PRKN: variants seen among roughly 807,000 people sequenced by gnomAD.
PRKN encodes the protein parkin RBR E3 ubiquitin protein ligase.
In PRKN, 56 loss-of-function variants were observed where a neutral mutation model predicts 59.5. The observed-to-expected ratio is 0.94, with a 90% CI of 0.76 to 1.18. The LOEUF (loss-of-function observed/expected upper bound fraction) is 1.18. Ranked by LOEUF, PRKN falls within the 50% of genes most tolerant of loss-of-function variation. The probability of loss-of-function intolerance (pLI) is 0.00; values close to 1 mark genes in which losing one functional copy is unlikely to be tolerated. For synonymous variants in PRKN, 250 were observed against 222.1 expected (o/e 1.13, Z -1.12); for missense variants, 657 against 596.4 (o/e 1.10, Z -1.06).
Position 161,457,238 on chromosome 6 carries a change from CAT to C in PRKN, c.1084-70363_1084-70362del, listed in dbSNP as rs1202010481. ...AATGCATTCCATTACTTTTCCTACA[CAT>C]GTGTCTCTGTTAAGCACTTTGCAAG... On this transcript the variant is annotated intron_variant, in intron 9 of 11. Coordinates refer to ENST00000366898, the MANE Select transcript of PRKN (RefSeq NM_004562.3). This position sits in a 1 kb window ranked among gnomAD's most constrained non-coding sequence, Gnocchi z 5.0. Among the ~76,000 whole-genome samples the C allele has an allele frequency of 6.6e-6, 1 of 152,202 alleles. No individual in the cohort carries two copies. The highest frequency in any genetic ancestry group is 1.5e-5 in the Non-Finnish European group (1 of 68,030).
rs1394007067 is a variant in PRKN at position 161,354,976 on chromosome 6, G to A, written c.1286-4765C>T. Reference sequence around the variant, plus strand: ...GCTGCCAGCATGTTCTGAGTCCAGGGCAGATCCGATGAATAATTTTCCTGC... The same window carrying A: ...GCTGCCAGCATGTTCTGAGTCCAGGACAGATCCGATGAATAATTTTCCTGC... On this transcript the variant is annotated intron_variant, in intron 11 of 11. Coordinates refer to ENST00000366898, the MANE Select transcript of PRKN (RefSeq NM_004562.3). This position sits in a 1 kb window ranked among gnomAD's most constrained non-coding sequence, Gnocchi z 6.7. Among the ~76,000 whole-genome samples, 5 of 152,184 alleles carry A rather than the reference G, an allele frequency of 3.3e-5. No homozygotes were observed. The highest frequency in any genetic ancestry group is 3.3e-4 in the Admixed American group (5 of 15,282).
intron 5 of PRKN, among the ~76,000 whole-genome samples, chr6:161,985,159 A>G (rs1262109498): frequency 6.6e-6 from 1 of 152,212 alleles, no homozygotes; most frequent in African/African-American, 2.4e-5. Flanking sequence ...TAAATCGAGC[A>G]TATCTCTTCC....
intron 1 of PRKN, among the ~76,000 whole-genome samples, chr6:162,690,721 C>G (rs906156469): frequency 2.0e-5 from 3 of 152,120 alleles, no homozygotes; most frequent in Non-Finnish European, 4.4e-5. Flanking sequence ...TCCTCTCGTA[C>G]TAGAAATGGA....
intron 7 of PRKN, among the ~76,000 whole-genome samples, chr6:161,594,965 A>G (rs906574998): frequency 6.6e-6 from 1 of 152,240 alleles, no homozygotes; most frequent in African/African-American, 2.4e-5. Context: ...CTTCAACTAC[A>G]TGAACACTGG....
chr6:162,484,975 G>A (rs968323045), intron 1 of PRKN, among the ~76,000 whole-genome samples: 3 of 152,104 alleles, frequency 2.0e-5, no homozygotes, highest in East Asian at 1.9e-4. Flanking sequence ...TCTATGGCCT[G>A]TGGCATATAT....
rs1780629502 is a variant in PRKN, at chr6:161,566,046, C to T, written c.933+3309G>A. ...CTCTACTGAATCATTACCATCAGTA[C>T]ATAGACATGCTGCAATTTTTCCCAT... is the stretch of plus-strand genomic sequence containing the variant. On this transcript the variant is annotated intron_variant, in intron 8 of 11. Coordinates refer to ENST00000366898, the MANE Select transcript of PRKN (RefSeq NM_004562.3). This position sits in a 1 kb window ranked among gnomAD's most constrained non-coding sequence, Gnocchi z 4.1. Among the ~76,000 whole-genome samples the T allele has an allele frequency of 1.3e-5, 2 of 152,220 alleles. No individual in the cohort carries two copies. The highest frequency in any genetic ancestry group is 1.3e-4 in the Admixed American group (2 of 15,286).
chr6:162,415,096 T>G (rs1003530534), intron 2 of PRKN, among the ~76,000 whole-genome samples: 4 of 152,186 alleles, frequency 2.6e-5, no homozygotes, highest in Admixed American at 1.3e-4. Flanking sequence ...CACTTCTGAA[T>G]GTTTCTGAAA....
At chr6:161,431,434 TA>T (rs533090322) in intron 9 of PRKN, among the ~76,000 whole-genome samples, 242 of 152,222 alleles carry the variant, frequency 1.6e-3, no homozygotes, top group Middle Eastern at 0.01. Context: ...ACAAGGTAGT[TA>T]AAACCTGTTT....
chr6:162,557,285 T>A (rs1779647508), intron 1 of PRKN, among the ~76,000 whole-genome samples: 1 of 152,180 alleles, frequency 6.6e-6, no homozygotes, highest in African/African-American at 2.4e-5. Context: ...TCATTGCTGC[T>A]TGGTAGTCGA....
intron 2 of PRKN, among the ~76,000 whole-genome samples, chr6:162,384,477 C>G (rs1786673961): frequency 6.6e-6 from 1 of 151,872 alleles, no homozygotes; most frequent in Non-Finnish European, 1.5e-5. Flanking sequence ...CACTCCAAAA[C>G]AATAAGATCA....
chr6:162,628,407 A>G (rs1280391443), intron 1 of PRKN, among the ~76,000 whole-genome samples: 1 of 152,172 alleles, frequency 6.6e-6, no homozygotes, highest in African/African-American at 2.4e-5. Flanking sequence ...TGTGTACCAG[A>G]TGTTTTGCTG....
chr6:162,686,828 A>G (rs1294316298), intron 1 of PRKN, among the ~76,000 whole-genome samples: 1 of 152,124 alleles, frequency 6.6e-6, no homozygotes, highest in African/African-American at 2.4e-5. Flanking sequence ...CACTCCGTAG[A>G]TATATGGCTT....
At chr6:161,762,820 A>T (rs1001440660) in intron 7 of PRKN, among the ~76,000 whole-genome samples, 24 of 152,178 alleles carry the variant, frequency 1.6e-4, no homozygotes, top group African/African-American at 5.1e-4. Context: ...GGCACCAAGA[A>T]ATTCTATTGC....
At chr6:162,726,571 G>A (rs963843580) in intron 1 of PRKN, among the ~76,000 whole-genome samples, 1 of 152,136 alleles carries the variant, frequency 6.6e-6, no homozygotes, top group African/African-American at 2.4e-5. Flanking sequence ...TCCCACTGAT[G>A]GGGAGAATGT....
Position 162,696,559 on chromosome 6 carries a change from CT to C in PRKN, c.7+31102del, listed in dbSNP as rs748055251. ...TTCAAATGATTTGTGTCAGGAAAAA[CT>C]TTTTTTTTTTTTTCTTTTTTTTGAG... On this transcript the variant is annotated intron_variant, in intron 1 of 11. Coordinates refer to ENST00000366898, the MANE Select transcript of PRKN (RefSeq NM_004562.3). 6.0e-3 allele frequency among the ~76,000 whole-genome samples: 649 copies of C among 108,504 alleles called. 8 individuals are homozygous for C. Among genetic ancestry groups the C allele is most frequent in the Non-Finnish European group, 9.1e-3 (502 of 55,190 alleles). The allele number at this position is 108,504 out of a possible 152,430, so 71.2% of individuals were successfully genotyped here.
intron 6 of PRKN, among the ~76,000 whole-genome samples, chr6:161,959,354 C>T (rs927302949): frequency 1.3e-5 from 2 of 152,204 alleles, no homozygotes; most frequent in East Asian, 1.9e-4. Context: ...TCGGTTCCGA[C>T]GGATAAGATA....
In PRKN at chr6:161,363,313, G is replaced by T. The variant is rs1785055172; in HGVS notation, c.1168-3108C>A. Among the ~76,000 whole-genome samples, 1 of 152,100 alleles carries T rather than the reference G, an allele frequency of 6.6e-6. No homozygotes were observed. Among genetic ancestry groups the T allele is most frequent in the Admixed American group, 6.6e-5 (1 of 15,266 alleles). ...ATAAATAAATAAAGGTGATGATAAT[G>T]GAATAAGAGACTGTCACAATTAACC... On this transcript the variant is annotated intron_variant, in intron 10 of 11. Transcript: ENST00000366898. This position sits in a 1 kb window ranked among gnomAD's most constrained non-coding sequence, Gnocchi z 4.1.
At chr6:162,469,509 T>C (rs1478309551) in intron 1 of PRKN, among the ~76,000 whole-genome samples, 4 of 148,926 alleles carry the variant, frequency 2.7e-5, no homozygotes, top group African/African-American at 9.9e-5. Flanking sequence ...TGTGTGTGTA[T>C]ACACACACAC....
chr6:162,344,477 G>A (rs532546286), intron 2 of PRKN, among the ~76,000 whole-genome samples: 20 of 152,056 alleles, frequency 1.3e-4, no homozygotes, highest in African/African-American at 4.6e-4. Context: ...TAGCTGAAAT[G>A]ATGCCAAGGG....
Sources: allele counts gnomAD v4.1 joint callset (sites outside exome capture counted in the v4.1 genomes callset), GRCh38; gene constraint gnomAD v4.1.1; non-coding constraint Gnocchi (gnomAD v3.1); transcripts MANE v1.5; gene names NCBI Gene and HGNC (gene_info 2026-07-23, HGNC 2026-07-21).